The following CFAP107 variants were observed in gnomAD, a reference collection of about 807,000 sequenced individuals.
The protein encoded by CFAP107 is cilia- and flagella-associated protein 107.
the CFAP107 span, chr1:12,760,716 G>C: frequency 6.4e-7 from 1 of 1,561,502 alleles, no homozygotes; most frequent in Non-Finnish European, 8.7e-7. Context: ...TGGCCATTTA[G>C]AGCAAGACTC....
At chr1:12,747,668 A>C in the CFAP107 span, among the ~76,000 whole-genome samples, 2 of 152,044 alleles carry the variant, frequency 1.3e-5, no homozygotes, top group East Asian at 3.9e-4. Context: ...AGTAATCACC[A>C]CCTCTCTGGC....
the CFAP107 span, chr1:12,746,242 G>T: frequency 4.1e-6 from 2 of 484,938 alleles, no homozygotes; most frequent in Admixed American, 6.5e-5. Flanking sequence ...TCTCCCTAAA[G>T]GCTGACAGTG....
At chr1:12,746,801 G>A in the CFAP107 span, among the ~76,000 whole-genome samples, 1 of 152,040 alleles carries the variant, frequency 6.6e-6, no homozygotes, top group African/African-American at 2.4e-5. Flanking sequence ...GATATAACAG[G>A]GGCATTGAAA....
the CFAP107 span, chr1:12,761,040 C>T: frequency 1.1e-5 from 14 of 1,315,644 alleles, no homozygotes; most frequent in Middle Eastern, 2.1e-4. Context: ...CGCAGATAAA[C>T]TCAGAGTACG....
the CFAP107 span, chr1:12,746,337 G>A: frequency 1.1e-6 from 1 of 915,280 alleles, no homozygotes; most frequent in Non-Finnish European, 1.7e-6. Flanking sequence ...GACAAAATAG[G>A]CACCCCAAAC....
the CFAP107 span, chr1:12,760,823 C>A: frequency 6.2e-7 from 1 of 1,614,162 alleles, no homozygotes; most frequent in East Asian, 2.2e-5. Context: ...ACAGCTCACA[C>A]CCAAGGCTGG....
At chr1:12,759,603 G>T in the CFAP107 span, 1 of 1,202,410 alleles carries the variant, frequency 8.3e-7, no homozygotes, top group Non-Finnish European at 1.2e-6. Context: ...CTCCAGGAGA[G>T]CAGCGGATGA....
At chr1:12,761,010 A>T in the CFAP107 span, 1 of 1,468,156 alleles carries the variant, frequency 6.8e-7, no homozygotes, top group South Asian at 1.4e-5. Flanking sequence ...GCATCACTGG[A>T]CTTGCCAGAC....
the CFAP107 span, among the ~76,000 whole-genome samples, chr1:12,754,260 T>C: frequency 2.0e-5 from 3 of 152,108 alleles, no homozygotes; most frequent in Non-Finnish European, 4.4e-5. Context: ...AAATGGCCAA[T>C]AAACACATAA....
At chr1:12,760,163 T>C in the CFAP107 span, among the ~76,000 whole-genome samples, 9 of 152,116 alleles carry the variant, frequency 5.9e-5, no homozygotes, top group East Asian at 1.7e-3. Flanking sequence ...AAGGCAGGAA[T>C]GGAGGAGGAT....
the CFAP107 span, among the ~76,000 whole-genome samples, chr1:12,760,358 A>G: frequency 6.6e-6 from 1 of 152,236 alleles, no homozygotes; most frequent in Non-Finnish European, 1.5e-5. Flanking sequence ...GCAAAGGGAC[A>G]CAGGTCAGAG....
At chr1:12,760,742 T>A in the CFAP107 span, 1 of 1,603,436 alleles carries the variant, frequency 6.2e-7, no homozygotes, top group Non-Finnish European at 8.5e-7. Context: ...GTAAGCCCCA[T>A]TCAACTGGAC....
the CFAP107 span, among the ~76,000 whole-genome samples, chr1:12,757,665 C>T: frequency 1.3e-5 from 2 of 152,092 alleles, no homozygotes; most frequent in African/African-American, 2.4e-5. Context: ...GGATTACAGG[C>T]GTGAGCCACG....
chr1:12,760,808 C>T, the CFAP107 span: 4 of 1,614,120 alleles, frequency 2.5e-6, no homozygotes, highest in Non-Finnish European at 3.4e-6. Context: ...GCAGCTCAAG[C>T]AGAGACAGCT....
chr1:12,746,414 T>G, the CFAP107 span: 1 of 1,603,742 alleles, frequency 6.2e-7, no homozygotes, highest in Non-Finnish European at 8.5e-7. Flanking sequence ...CAAAGAAACC[T>G]GGGGCAAATC....
the CFAP107 span, among the ~76,000 whole-genome samples, chr1:12,757,272 A>G: frequency 0.26 from 39,624 of 149,688 alleles, 5,406 homozygotes; most frequent in African/African-American, 0.34. Context: ...TCCACCCACC[A>G]CCCCCCCGCA....
chr1:12,759,741 G>T, the CFAP107 span: 1 of 558,616 alleles, frequency 1.8e-6, no homozygotes, highest in Non-Finnish European at 3.2e-6. Context: ...TAGAGCACAG[G>T]TGGCAGGGAG....
chr1:12,760,804 C>T, the CFAP107 span: 1 of 1,613,946 alleles, frequency 6.2e-7, no homozygotes, highest in African/African-American at 1.3e-5. Flanking sequence ...ATGAGCAGCT[C>T]AAGCAGAGAC....
chr1:12,755,621 G>A, the CFAP107 span: 1 of 916,958 alleles, frequency 1.1e-6, no homozygotes. Flanking sequence ...TCTTCTGATG[G>A]CCCAGGAGGT....
Sources: allele counts gnomAD v4.1 joint callset (sites outside exome capture counted in the v4.1 genomes callset), GRCh38; gene constraint gnomAD v4.1.1; transcripts MANE v1.5; gene names NCBI Gene and HGNC (gene_info 2026-07-23, HGNC 2026-07-21).